CCDC192: variants seen among roughly 807,000 people sequenced by gnomAD.
The protein encoded by CCDC192 is coiled-coil domain containing 192.
chr5:127,811,152 C>G (rs1009720435), intron 5 of CCDC192, among the ~76,000 whole-genome samples: 70 of 152,148 alleles, frequency 4.6e-4, no homozygotes, highest in African/African-American at 1.6e-3. Context: ...CTTAAGAACC[C>G]CCAATACTTA....
At chr5:127,705,766 AAC>A (rs1750922713) in intron 1 of CCDC192, among the ~76,000 whole-genome samples, 1 of 152,066 alleles carries the variant, frequency 6.6e-6, no homozygotes, top group South Asian at 2.1e-4. Context: ...GAAGAGGATA[AAC>A]ACACACTCTG....
At chr5:127,924,637 T>C (rs17164504) in intron 6 of CCDC192, among the ~76,000 whole-genome samples, 1,699 of 152,346 alleles carry the variant, frequency 0.011, 34 homozygotes, top group African/African-American at 0.039. Context: ...AAGACTTCCA[T>C]GGACTTACAT....
chr5:127,876,801 T>G (rs1752100672), intron 6 of CCDC192, among the ~76,000 whole-genome samples: 1 of 152,230 alleles, frequency 6.6e-6, no homozygotes, highest in African/African-American at 2.4e-5. Flanking sequence ...GACTACATGG[T>G]AAAGCTTTTC....
intron 3 of CCDC192, among the ~76,000 whole-genome samples, chr5:127,757,557 A>C (rs916381691): frequency 6.6e-6 from 1 of 151,964 alleles, no homozygotes; most frequent in Non-Finnish European, 1.5e-5. Context: ...CCCTATTTTA[A>C]AATTTAAGTC....
chr5:127,920,453 G>C (rs2127189043), intron 6 of CCDC192, among the ~76,000 whole-genome samples: 1 of 140,372 alleles, frequency 7.1e-6, no homozygotes, highest in South Asian at 2.3e-4. Context: ...CTGTTGCCCA[G>C]GCTGGAGTGC....
At chr5:127,831,798 C>T (rs1206458646) in intron 5 of CCDC192, among the ~76,000 whole-genome samples, 2 of 151,916 alleles carry the variant, frequency 1.3e-5, no homozygotes, top group Non-Finnish European at 2.9e-5. Flanking sequence ...TTAAATATTA[C>T]AATTCACATT....
intron 2 of CCDC192, among the ~76,000 whole-genome samples, chr5:127,713,010 G>A (rs1022444807): frequency 1.4e-4 from 21 of 152,086 alleles, no homozygotes; most frequent in African/African-American, 3.1e-4. Context: ...CGAGGTGGGC[G>A]GATCACCTGT....
chr5:127,767,759 A>G (rs1755312769), intron 3 of CCDC192, among the ~76,000 whole-genome samples: 1 of 152,002 alleles, frequency 6.6e-6, no homozygotes, highest in African/African-American at 2.4e-5. Flanking sequence ...AAATATTTCT[A>G]TTTTCACTTG....
chr5:127,937,375 TGGG>T (rs1391034744), intron 6 of CCDC192, among the ~76,000 whole-genome samples: 1 of 152,120 alleles, frequency 6.6e-6, no homozygotes, highest in Non-Finnish European at 1.5e-5. Context: ...CATTTGGAGA[TGGG>T]GCCTGTGGGA....
rs138763000 is a variant in CCDC192 at position 127,851,560 on chromosome 5, C to T, written c.412-23978C>T. Among the ~76,000 whole-genome samples, 677 of 152,254 alleles carry T rather than the reference C, an allele frequency of 4.4e-3. 3 individuals are homozygous for T. The highest frequency in any genetic ancestry group is 0.015 in the African/African-American group (643 of 41,550). On this transcript the variant is annotated intron_variant, in intron 5 of 6. Transcript: ENST00000514853. Reference sequence around the variant, plus strand: ...GCAACCTCCACCTCCCAGGTTCAAGCGATTCTTCTGCCTCAGCTTCCTGAG... The same window carrying T: ...GCAACCTCCACCTCCCAGGTTCAAGTGATTCTTCTGCCTCAGCTTCCTGAG...
At chr5:127,869,770 G>A (rs899520155) in intron 5 of CCDC192, among the ~76,000 whole-genome samples, 1 of 152,118 alleles carries the variant, frequency 6.6e-6, no homozygotes, top group African/African-American at 2.4e-5. Context: ...GAATTACTGG[G>A]ATTTCATTTT....
intron 2 of CCDC192, among the ~76,000 whole-genome samples, chr5:127,724,905 C>A (rs960723731): frequency 4.0e-5 from 6 of 151,370 alleles, no homozygotes; most frequent in Non-Finnish European, 4.4e-5. Flanking sequence ...AAGTACTTAC[C>A]CCTATATATA....
chr5:127,904,660 C>A (rs552859791), intron 6 of CCDC192, among the ~76,000 whole-genome samples: 1 of 152,152 alleles, frequency 6.6e-6, no homozygotes, highest in South Asian at 2.1e-4. Context: ...TGCCACCGCA[C>A]CCAACTAATT....
chr5:127,834,466 C>G (rs1174488216), intron 5 of CCDC192, among the ~76,000 whole-genome samples: 2 of 151,990 alleles, frequency 1.3e-5, no homozygotes, highest in Non-Finnish European at 2.9e-5. Flanking sequence ...TTTATAGGGC[C>G]CCAACCAATG....
intron 5 of CCDC192, among the ~76,000 whole-genome samples, chr5:127,872,453 C>T (rs1476246561): frequency 1.3e-5 from 2 of 152,086 alleles, no homozygotes; most frequent in African/African-American, 4.8e-5. Context: ...CTGAGATGTC[C>T]ATTTACTCAT....
At chr5:127,719,534 C>CATACATACATATAT (rs1561444958) in intron 2 of CCDC192, among the ~76,000 whole-genome samples, 6 of 42,262 alleles carry the variant, frequency 1.4e-4, no homozygotes, top group Non-Finnish European at 2.8e-4. Context: ...TACACACATA[C>CATACATACATATAT]ATATATATAT....
intron 2 of CCDC192, among the ~76,000 whole-genome samples, chr5:127,714,303 G>T (rs921350944): frequency 6.6e-6 from 1 of 152,160 alleles, no homozygotes; most frequent in Non-Finnish European, 1.5e-5. Context: ...CAACAAACAT[G>T]AGTGTGCAGA....
In CCDC192 at chr5:127,888,108, G is replaced by A. The variant is rs777682621; in HGVS notation, c.535+12447G>A. Among the ~76,000 whole-genome samples, 26 of 151,554 alleles carry A rather than the reference G, an allele frequency of 1.7e-4. 1 individual carries two copies. The South Asian group carries it at 3.4e-3, about 20-fold the overall frequency. ...AATACCTTATATATGTATTGTGATC[G>A]TATTGTTAGATCTAAAAGTCAGGAC... On this transcript the variant is annotated intron_variant, in intron 6 of 6. Coordinates refer to ENST00000514853, the MANE Select transcript of CCDC192 (RefSeq NM_001317938.2).
intron 3 of CCDC192, among the ~76,000 whole-genome samples, chr5:127,784,194 A>T (rs1331211146): frequency 1.3e-5 from 2 of 152,180 alleles, no homozygotes; most frequent in African/African-American, 4.8e-5. Context: ...TTATTTTCAC[A>T]CATTAAAAAT....
Sources: allele counts gnomAD v4.1 joint callset (sites outside exome capture counted in the v4.1 genomes callset), GRCh38; gene constraint gnomAD v4.1.1; transcripts MANE v1.5; gene names NCBI Gene and HGNC (gene_info 2026-07-23, HGNC 2026-07-21).